The following ATAT1 variants were observed in gnomAD, a reference collection of about 807,000 sequenced individuals.
The protein encoded by ATAT1 is alpha-tubulin N-acetyltransferase 1.
ATAT1 carries 42 observed loss-of-function variants against 57.2 expected under a neutral mutation model. The observed-to-expected ratio is 0.73, with a 90% CI of 0.57 to 0.95. The LOEUF (loss-of-function observed/expected upper bound fraction) is 0.95. ATAT1 is among the 40% of genes least tolerant of loss of function. ATAT1 has a pLI of 0.00. For missense variants in ATAT1, 454 were observed against 523.7 expected, an observed-to-expected ratio of 0.87 and a Z score of 1.30; for synonymous variants, 168 against 187.1, an observed-to-expected ratio of 0.90 and a Z score of 0.83.
chr6:30,627,842 G>C lies in ATAT1; in HGVS notation c.225-9G>C. On this transcript the variant is annotated splice_polypyrimidine_tract_variant and intron_variant, in intron 3 of 12. Transcript: ENST00000330083. ...CACTAGCCTGTTCATTATTTTCCCCGTCCTACAGGGCTGGAAAAGGAGCCA... is the reference window on the plus strand; with the variant it reads ...CACTAGCCTGTTCATTATTTTCCCCCTCCTACAGGGCTGGAAAAGGAGCCA... The C allele has an allele frequency of 1.9e-6, 3 of 1,612,584 alleles. No individual in the cohort carries two copies. Among genetic ancestry groups the C allele is most frequent in the Non-Finnish European group, 2.5e-6 (3 of 1,179,824 alleles).
intron 6 of ATAT1, among the ~76,000 whole-genome samples, chr6:30,634,853 T>TCCCA (rs1402250907): frequency 1.3e-5 from 2 of 151,850 alleles, no homozygotes; most frequent in African/African-American, 4.8e-5. Context: ...CCAGGCGTGG[T>TCCCA]GGCGGGAGCC....
chr6:30,639,667 T>G (rs528205688), intron 6 of ATAT1, among the ~76,000 whole-genome samples: 1 of 151,414 alleles, frequency 6.6e-6, no homozygotes, highest in Admixed American at 6.6e-5. Flanking sequence ...TTAGTAGAGA[T>G]GGGGTTTCAC....
At chr6:30,636,334 C>T (rs1008741693) in intron 6 of ATAT1, among the ~76,000 whole-genome samples, 1 of 152,080 alleles carries the variant, frequency 6.6e-6, no homozygotes, top group African/African-American at 2.4e-5. Context: ...CCTGTAATCC[C>T]AGCACTTTGG....
At chr6:30,635,314 T>C (rs1763827097) in intron 6 of ATAT1, among the ~76,000 whole-genome samples, 1 of 151,880 alleles carries the variant, frequency 6.6e-6, no homozygotes, top group African/African-American at 2.4e-5. Context: ...AGATGAAAAC[T>C]GAGGCCGGGT....
rs200190404 is a variant in ATAT1, at chr6:30,645,943, T to TG, written c.988dup (p.Val330GlyfsTer23). 505 of 1,538,970 alleles carry TG rather than the reference T, an allele frequency of 3.3e-4. 1 individual carries two copies. The East Asian group carries it at 8.4e-3, about 26-fold the overall frequency. On this transcript the variant is annotated frameshift_variant, in exon 11 of 13. Transcript: ENST00000330083. LOFTEE classifies it high-confidence loss of function. Reference sequence around the variant, plus strand: ...CCCAAAGCTGCTGCTACAGCCGCCATGGGGGGGTGAATTCCTCATCCCCCA... The same window carrying TG: ...CCCAAAGCTGCTGCTACAGCCGCCATGGGGGGGGTGAATTCCTCATCCCCCA...
chr6:30,646,053 T>C lies in ATAT1; in HGVS notation c.1013-14T>C. On this transcript the variant is annotated splice_polypyrimidine_tract_variant and intron_variant, in intron 11 of 12. Transcript: ENST00000330083. ...ACTCCTGCCTTCCCATTCACATGCC[T>C]GATATTTCCACAGGCAACCAAGACT... 6.2e-7 allele frequency: 1 copy of C among 1,610,294 alleles called. No homozygotes were observed. The highest frequency in any genetic ancestry group is 8.5e-7 in the Non-Finnish European group (1 of 1,178,152).
chr6:30,643,330 T>C (rs1765936979), intron 10 of ATAT1: 1 of 1,428,612 alleles, frequency 7.0e-7, no homozygotes, highest in African/African-American at 1.4e-5. Flanking sequence ...CGCTTAATAC[T>C]TGCTGGGGAA....
At position 30,642,953 on chromosome 6, in the gene ATAT1, G is replaced by A. The variant is rs760636161; in HGVS notation, c.874G>A (p.Ala292Thr). 9.3e-6 allele frequency: 15 copies of A among 1,612,414 alleles called. No individual in the cohort carries two copies. Among genetic ancestry groups the A allele is most frequent in the African/African-American group, 1.3e-5 (1 of 74,514 alleles). ...GCGCCTCTGCCCCCCACACCCTACC[G>A]CCCGCCTTCTGTTGGCTGCTGACCC... is the stretch of plus-strand genomic sequence containing the variant. The change falls in exon 10 of 13, where the codon GCC becomes ACC. Residue 292 changes from alanine (A) to threonine (T), a missense_variant. Ala to Thr is a moderately conservative substitution (Grantham distance 58). Transcript: ENST00000330083.
At chr6:30,643,203 A>G (rs1189025925) in intron 10 of ATAT1, 192 bp downstream of exon 10, 7 of 1,437,144 alleles carry the variant, frequency 4.9e-6, no homozygotes, top group Non-Finnish European at 5.5e-6. Context: ...GCAGAATAGG[A>G]CCTTATATGG....
chr6:30,640,621 G>C lies in ATAT1; in HGVS notation c.616+18G>C. On this transcript the variant is annotated intron_variant, in intron 8 of 12. Transcript: ENST00000330083. ...GCCCGCTGGTAAAGCCTGTATTGAA[G>C]GGGTGGAACTGTAGTGCAGTGATGG... 6.2e-7 allele frequency: 1 copy of C among 1,612,054 alleles called. No homozygotes were observed. Among genetic ancestry groups the C allele is most frequent in the Non-Finnish European group, 8.5e-7 (1 of 1,179,414 alleles).
chr6:30,634,832 CA>C (rs1763715359), intron 6 of ATAT1, among the ~76,000 whole-genome samples: 1 of 151,570 alleles, frequency 6.6e-6, no homozygotes, highest in Non-Finnish European at 1.5e-5. Context: ...ACTAAAAATA[CA>C]AAAAATTAGC....
At chr6:30,627,786 C>T in intron 3 of ATAT1, 59 bp downstream of exon 3, 2 of 1,605,138 alleles carry the variant, frequency 1.2e-6, no homozygotes, top group Non-Finnish European at 8.5e-7. Flanking sequence ...AGCCCTTCCC[C>T]CATCTTTGAC....
chr6:30,635,576 G>A (rs1359073505), intron 6 of ATAT1, among the ~76,000 whole-genome samples: 6 of 141,536 alleles, frequency 4.2e-5, no homozygotes, highest in African/African-American at 1.6e-4. Flanking sequence ...GCAACAAAGC[G>A]AAACTCCATC....
chr6:30,643,077 G>A, intron 10 of ATAT1, 66 bp downstream of exon 10: 1 of 1,538,038 alleles, frequency 6.5e-7, no homozygotes, highest in East Asian at 2.3e-5. Context: ...ATGGCAAAGG[G>A]CAATTTGAAT....
rs1762131416 is a variant in ATAT1, at chr6:30,628,424, C to T, written c.495C>T (p.Val165=). ...AGCACTACAATCTGGAGACCACAGT[C>T]CCACAGGTTAGAGGTTTCAGAGAAT... is the stretch of plus-strand genomic sequence containing the variant. The change falls in exon 6 of 13, where the codon GTC becomes GTT. Residue 165 remains valine (V), a synonymous_variant. Transcript: ENST00000330083. 6 of 1,609,934 alleles carry T rather than the reference C, an allele frequency of 3.7e-6. No individual in the cohort carries two copies. Among genetic ancestry groups the T allele is most frequent in the Non-Finnish European group, 3.4e-6 (4 of 1,177,190 alleles).
chr6:30,630,498 T>C (rs1008757230), intron 6 of ATAT1, among the ~76,000 whole-genome samples: 16 of 151,804 alleles, frequency 1.1e-4, no homozygotes, highest in African/African-American at 3.6e-4. Context: ...TAGCGGGGCA[T>C]GATGGTGGGT....
chr6:30,631,151 C>T (rs1762785201), intron 6 of ATAT1, among the ~76,000 whole-genome samples: 1 of 152,050 alleles, frequency 6.6e-6, no homozygotes, highest in South Asian at 2.1e-4. Context: ...GGGATCATCA[C>T]TGAGAAAGTG....
rs190041291 is a variant in ATAT1 at position 30,635,376 on chromosome 6, A to G, written c.502-5001A>G. On this transcript the variant is annotated intron_variant, in intron 6 of 12. Transcript: ENST00000330083. Reference sequence around the variant, plus strand: ...CACTTTGGGAGGCCGAGTCGGGTGGATCACCTGAGGTCAGGAGTTCAAGAC... The same window carrying G: ...CACTTTGGGAGGCCGAGTCGGGTGGGTCACCTGAGGTCAGGAGTTCAAGAC... 4.8e-3 allele frequency among the ~76,000 whole-genome samples: 726 copies of G among 152,214 alleles called. 9 individuals are homozygous for G. Among genetic ancestry groups the G allele is most frequent in the African/African-American group, 0.017 (686 of 41,536 alleles).
In ATAT1 at chr6:30,626,885, C is replaced by T. The variant is rs779522263; in HGVS notation, c.-319C>T. 6.2e-7 allele frequency: 1 copy of T among 1,605,676 alleles called. No homozygotes were observed. The highest frequency in any genetic ancestry group is 2.2e-5 in the East Asian group (1 of 44,514). The stretch of plus-strand genomic sequence containing the variant: ...GCGGGTCCGACCGCGCACAATGGGC[C>T]ATGGAGTTCCCGTTCGATGTGGACG... On this transcript the variant is annotated 5_prime_UTR_variant, in exon 1 of 13. Transcript: ENST00000330083.
Sources: allele counts gnomAD v4.1 joint callset (sites outside exome capture counted in the v4.1 genomes callset), GRCh38; gene constraint gnomAD v4.1.1; transcripts MANE v1.5; gene names NCBI Gene and HGNC (gene_info 2026-07-23, HGNC 2026-07-21).